RGS7: variants seen among roughly 807,000 people sequenced by gnomAD.
The protein encoded by RGS7 is regulator of G-protein signaling 7.
Under a neutral mutation model 81.1 loss-of-function variants are expected in RGS7, and 27 were observed. The observed-to-expected ratio is 0.33, with a 90% CI of 0.25 to 0.46. RGS7 has a LOEUF of 0.46. Among genes scored for constraint, RGS7 ranks in the 20% least tolerant of loss-of-function variants. RGS7 has a pLI of 1.00. For synonymous variants in RGS7, 208 were observed against 207.7 expected (o/e 1.00, Z -0.01); for missense variants, 396 against 607.4 (o/e 0.65, Z 3.66).
chr1:241,011,641 C>A (rs967583955), intron 3 of RGS7, among the ~76,000 whole-genome samples: 2 of 152,124 alleles, frequency 1.3e-5, no homozygotes, highest in Non-Finnish European at 2.9e-5. Flanking sequence ...GTATTCCTAG[C>A]CTCTAGGTGC....
chr1:240,962,414 TCTATA>T (rs1436062368), intron 4 of RGS7, among the ~76,000 whole-genome samples: 3 of 152,176 alleles, frequency 2.0e-5, no homozygotes, highest in African/African-American at 7.2e-5. Flanking sequence ...TTTGTTTCTC[TCTATA>T]TTCTTTCTTC....
intron 2 of RGS7, among the ~76,000 whole-genome samples, chr1:241,106,032 G>T (rs2065075430): frequency 6.6e-6 from 1 of 152,130 alleles, no homozygotes; most frequent in Admixed American, 6.5e-5. Flanking sequence ...GTGGTGGCAG[G>T]TTTTCATAAT....
chr1:240,868,699 A>C lies in RGS7; in HGVS notation c.528-31T>G, dbSNP rs750849358. 6.2e-6 allele frequency: 10 copies of C among 1,610,064 alleles called. No individual in the cohort carries two copies. Among genetic ancestry groups the C allele is most frequent in the Non-Finnish European group, 8.5e-6 (10 of 1,176,296 alleles). On this transcript the variant is annotated intron_variant, in intron 8 of 18. Transcript: ENST00000440928. The surrounding 1 kb of genome is among the most constrained non-coding windows in gnomAD (Gnocchi z 5.1). ...AACACAGTAACAATAGATAACATTT[A>C]GTATTAATTGTAGTGCCTCTCTGAA...
chr1:240,897,124 TG>T (rs940654212), intron 6 of RGS7, among the ~76,000 whole-genome samples: 1 of 152,232 alleles, frequency 6.6e-6, no homozygotes, highest in Non-Finnish European at 1.5e-5. Context: ...TTTTGTACAT[TG>T]ATTTTATATC....
chr1:241,342,976 G>T (rs1437110311), intron 2 of RGS7, among the ~76,000 whole-genome samples: 1 of 151,884 alleles, frequency 6.6e-6, no homozygotes, highest in Non-Finnish European at 1.5e-5. Flanking sequence ...AAAATTAAAA[G>T]TATAGGCCAG....
At chr1:241,292,788 G>A (rs554840644) in intron 2 of RGS7, among the ~76,000 whole-genome samples, 20 of 152,236 alleles carry the variant, frequency 1.3e-4, no homozygotes, top group Non-Finnish European at 2.2e-4. Flanking sequence ...GAGAAAGGGA[G>A]GGAAGAAGGA....
intron 9 of RGS7, among the ~76,000 whole-genome samples, chr1:240,830,579 G>A (rs142744756): frequency 2.0e-5 from 3 of 152,308 alleles, no homozygotes; most frequent in Non-Finnish European, 2.9e-5. Context: ...ACAAATGACC[G>A]AGTCATCTAA....
chr1:240,994,386 G>C lies in RGS7; in HGVS notation c.176-11257C>G, dbSNP rs78036969. On this transcript the variant is annotated intron_variant, in intron 3 of 18. Transcript: ENST00000440928. ...TTGCAGTTTTCAGCATACAAGTCCT[G>C]AACAAACTTTATTTGATTAACACCT... is the stretch of plus-strand genomic sequence containing the variant. Among the ~76,000 whole-genome samples, 8 of 152,162 alleles carry C rather than the reference G, an allele frequency of 5.3e-5. No homozygotes were observed. The East Asian group carries it at 1.5e-3, about 29-fold the overall frequency.
chr1:241,226,785 T>C (rs977684514), intron 2 of RGS7, among the ~76,000 whole-genome samples: 3 of 152,186 alleles, frequency 2.0e-5, no homozygotes, highest in Non-Finnish European at 4.4e-5. Flanking sequence ...GAATAAGAAA[T>C]AACTATTTCC....
chr1:240,904,725 T>C (rs368504638), intron 6 of RGS7, among the ~76,000 whole-genome samples: 1 of 152,354 alleles, frequency 6.6e-6, no homozygotes, highest in Non-Finnish European at 1.5e-5. Flanking sequence ...GCATGGAATA[T>C]TGATCATTAG....
At chr1:241,313,369 T>A (rs1026733282) in intron 2 of RGS7, among the ~76,000 whole-genome samples, 1 of 152,230 alleles carries the variant, frequency 6.6e-6, no homozygotes, top group Non-Finnish European at 1.5e-5. Context: ...ACAGGCTGAC[T>A]CTCTTGGTAG....
chr1:241,115,766 G>T (rs1228412761), intron 2 of RGS7, among the ~76,000 whole-genome samples: 9 of 152,142 alleles, frequency 5.9e-5, no homozygotes, highest in Admixed American at 1.3e-4. Flanking sequence ...TATGACCTAT[G>T]TAGGAAATCT....
At chr1:240,923,889 G>A (rs941593593) in intron 6 of RGS7, among the ~76,000 whole-genome samples, 1 of 152,046 alleles carries the variant, frequency 6.6e-6, no homozygotes, top group African/African-American at 2.4e-5. Flanking sequence ...ATTATTAATG[G>A]ATTATGCAGA....
intron 3 of RGS7, among the ~76,000 whole-genome samples, chr1:241,037,013 G>T (rs1180859086): frequency 6.6e-6 from 1 of 152,122 alleles, no homozygotes; most frequent in African/African-American, 2.4e-5. Flanking sequence ...AGGGACATAG[G>T]TTTAAGACTT....
chr1:241,007,495 T>A (rs912416054), intron 3 of RGS7, among the ~76,000 whole-genome samples: 1 of 152,212 alleles, frequency 6.6e-6, no homozygotes, highest in Non-Finnish European at 1.5e-5. Context: ...TTTGACTGCA[T>A]GGGAGTTGGT....
At chr1:241,274,861 T>A (rs550382108) in intron 2 of RGS7, among the ~76,000 whole-genome samples, 3 of 152,336 alleles carry the variant, frequency 2.0e-5, no homozygotes, top group African/African-American at 7.2e-5. Context: ...GACTGAATTA[T>A]CTGTAACATC....
chr1:241,064,011 C>T (rs1296933537), intron 3 of RGS7, among the ~76,000 whole-genome samples: 1 of 151,502 alleles, frequency 6.6e-6, no homozygotes, highest in Non-Finnish European at 1.5e-5. Flanking sequence ...TGGAGAAACC[C>T]CCTCTCTACT....
chr1:240,838,994 T>C (rs1695163279), intron 9 of RGS7, among the ~76,000 whole-genome samples: 1 of 152,194 alleles, frequency 6.6e-6, no homozygotes, highest in African/African-American at 2.4e-5. Flanking sequence ...CTCCATCTCC[T>C]GACCTCGTGA....
intron 2 of RGS7, among the ~76,000 whole-genome samples, chr1:241,101,367 GCGCCTGTAAT>G (rs1226546485): frequency 3.3e-5 from 5 of 151,906 alleles, no homozygotes; most frequent in Non-Finnish European, 7.4e-5. Flanking sequence ...ATGGTGACAG[GCGCCTGTAAT>G]CCCAGCTACT....
Sources: allele counts gnomAD v4.1 joint callset (sites outside exome capture counted in the v4.1 genomes callset), GRCh38; gene constraint gnomAD v4.1.1; non-coding constraint Gnocchi (gnomAD v3.1); transcripts MANE v1.5; gene names NCBI Gene and HGNC (gene_info 2026-07-23, HGNC 2026-07-21).